The following GRM7 variants were observed in gnomAD, a reference collection of about 807,000 sequenced individuals.
The protein encoded by GRM7 is metabotropic glutamate receptor 7.
Under a neutral mutation model 84.5 loss-of-function variants are expected in GRM7, and 35 were observed. The observed-to-expected ratio is 0.41, with a 90% CI of 0.32 to 0.55. GRM7 has a LOEUF of 0.55. Among genes scored for constraint, GRM7 ranks in the 20% least tolerant of loss-of-function variants. The probability of loss-of-function intolerance (pLI) is 0.19; values close to 1 mark genes in which losing one functional copy is unlikely to be tolerated. For missense variants in GRM7, 1,003 were observed against 1,194.6 expected (o/e 0.84, Z 2.36); for synonymous variants, 487 against 455.1 (o/e 1.07, Z -0.89).
chr3:7,039,536 A>G (rs1287555665), intron 1 of GRM7, among the ~76,000 whole-genome samples: 1 of 152,152 alleles, frequency 6.6e-6, no homozygotes, highest in Non-Finnish European at 1.5e-5. Context: ...TAGTGGCAAC[A>G]TTTTGCTTGT....
chr3:7,462,672 G>T (rs1007335147), intron 7 of GRM7, among the ~76,000 whole-genome samples: 1 of 152,118 alleles, frequency 6.6e-6, no homozygotes, highest in African/African-American at 2.4e-5. Flanking sequence ...ATGAAGAAAG[G>T]GTTATTCACA....
intron 9 of GRM7, among the ~76,000 whole-genome samples, chr3:7,713,072 G>A (rs923880781): frequency 2.7e-5 from 4 of 149,316 alleles, no homozygotes; most frequent in Admixed American, 1.3e-4. Context: ...GCAAAGATCC[G>A]ACTTCTGAAT....
intron 1 of GRM7, among the ~76,000 whole-genome samples, chr3:6,913,361 A>T (rs1696837170): frequency 6.6e-6 from 1 of 152,116 alleles, no homozygotes; most frequent in African/African-American, 2.4e-5. Context: ...CATATCTTGC[A>T]TTCATCAATG....
At chr3:6,900,697 G>A (rs531678125) in intron 1 of GRM7, among the ~76,000 whole-genome samples, 7 of 152,144 alleles carry the variant, frequency 4.6e-5, no homozygotes, top group African/African-American at 9.7e-5. Context: ...TAGAGAGACC[G>A]AAAGGGTTCT....
At chr3:7,374,973 A>G (rs1275019773) in intron 4 of GRM7, among the ~76,000 whole-genome samples, 1 of 151,926 alleles carries the variant, frequency 6.6e-6, no homozygotes, top group Non-Finnish European at 1.5e-5. Context: ...GTGACCTCCT[A>G]AGTGTTTCTT....
chr3:7,530,043 C>T (rs1312662887), intron 7 of GRM7, among the ~76,000 whole-genome samples: 1 of 151,618 alleles, frequency 6.6e-6, no homozygotes, highest in Non-Finnish European at 1.5e-5. Context: ...CAGCACCCAT[C>T]AACCTGTCAT....
chr3:7,686,835 G>A (rs1700605170), intron 9 of GRM7, among the ~76,000 whole-genome samples: 1 of 152,150 alleles, frequency 6.6e-6, no homozygotes, highest in African/African-American at 2.4e-5. Flanking sequence ...TACAAGGAGA[G>A]AAGGGGGATG....
At chr3:7,281,760 ACC>A (rs1699257035) in intron 2 of GRM7, among the ~76,000 whole-genome samples, 1 of 152,140 alleles carries the variant, frequency 6.6e-6, no homozygotes, top group Admixed American at 6.5e-5. Flanking sequence ...TTCAGGTCCC[ACC>A]CCAGACCTAC....
chr3:7,229,724 C>CATATATATATATATATAT, intron 2 of GRM7, among the ~76,000 whole-genome samples: 1 of 26,002 alleles, frequency 3.8e-5, no homozygotes, highest in African/African-American at 1.5e-4. Flanking sequence ...CATAGACACA[C>CATATATATATATATATAT]ACATATATAT....
Position 7,073,212 on chromosome 3 carries a change from A to C in GRM7, c.520-73240A>C, listed in dbSNP as rs142859964. Among the ~76,000 whole-genome samples, 49 of 152,246 alleles carry C rather than the reference A, an allele frequency of 3.2e-4. No individual in the cohort carries two copies. In the East Asian group the frequency reaches 8.3e-3, roughly 26 times the overall value. On this transcript the variant is annotated intron_variant, in intron 1 of 9. Transcript: ENST00000357716. ...GAGGTAGAGATCCTTTCAGATTGAT[A>C]TGGTGATAAAATAGTTAAATGCATC... is the stretch of plus-strand genomic sequence containing the variant.
chr3:7,345,781 T>C (rs2125085132), intron 4 of GRM7, among the ~76,000 whole-genome samples: 1 of 152,048 alleles, frequency 6.6e-6, no homozygotes, highest in South Asian at 2.1e-4. Context: ...TTGGGTAAAC[T>C]TGAGACCTGC....
At chr3:7,517,019 T>G (rs1228965070) in intron 7 of GRM7, among the ~76,000 whole-genome samples, 1 of 152,156 alleles carries the variant, frequency 6.6e-6, no homozygotes, top group African/African-American at 2.4e-5. Context: ...CTCAGCACAC[T>G]TGATCTTTCA....
At chr3:7,289,202 C>G (rs1398560843) in intron 2 of GRM7, among the ~76,000 whole-genome samples, 1 of 152,134 alleles carries the variant, frequency 6.6e-6, no homozygotes, top group Admixed American at 6.6e-5. Flanking sequence ...CTGTAAAATT[C>G]AACCAATTTT....
At chr3:7,738,005 G>A (rs190244906) in intron 9 of GRM7, among the ~76,000 whole-genome samples, 48 of 152,046 alleles carry the variant, frequency 3.2e-4, no homozygotes, top group East Asian at 2.1e-3. Flanking sequence ...CCGCCACCAC[G>A]CCTGGCTAAT....
intron 1 of GRM7, among the ~76,000 whole-genome samples, chr3:7,119,561 G>T (rs770686744): frequency 2.0e-5 from 3 of 152,104 alleles, no homozygotes; most frequent in Non-Finnish European, 4.4e-5. Flanking sequence ...ATCACTATTT[G>T]AAGTTTGAGC....
At chr3:7,695,655 G>A (rs77401692) in intron 9 of GRM7, among the ~76,000 whole-genome samples, 7,096 of 152,128 alleles carry the variant, frequency 0.047, 202 homozygotes, top group South Asian at 0.081. Flanking sequence ...CAACTTTGTC[G>A]TTCTCCAGAT....
chr3:7,295,968 C>T lies in GRM7; in HGVS notation c.737-2716C>T, dbSNP rs148994192. Among the ~76,000 whole-genome samples, 78 of 152,086 alleles carry T rather than the reference C, an allele frequency of 5.1e-4. No individual in the cohort carries two copies. In the East Asian group the frequency reaches 0.015, roughly 28 times the overall value. On this transcript the variant is annotated intron_variant, in intron 2 of 9. Coordinates refer to ENST00000357716, the MANE Select transcript of GRM7 (RefSeq NM_000844.4). ...TATTGAACAGGATAGGGCAACCTTG[C>T]CTTGTGGTCTCTTACTATTAAATGT...
chr3:7,688,436 T>C (rs1179430917), intron 9 of GRM7, among the ~76,000 whole-genome samples: 2 of 152,124 alleles, frequency 1.3e-5, no homozygotes, highest in Non-Finnish European at 2.9e-5. Context: ...TTCGCAATGG[T>C]ATTCCAAATA....
chr3:7,416,703 CA>C (rs1375231088), intron 5 of GRM7, among the ~76,000 whole-genome samples: 3 of 152,092 alleles, frequency 2.0e-5, no homozygotes, highest in African/African-American at 7.2e-5. Context: ...GGATTCACCA[CA>C]TTCTCCAGAT....
Sources: allele counts gnomAD v4.1 joint callset (sites outside exome capture counted in the v4.1 genomes callset), GRCh38; gene constraint gnomAD v4.1.1; transcripts MANE v1.5; gene names NCBI Gene and HGNC (gene_info 2026-07-23, HGNC 2026-07-21).